Variants in DCAF8L2 observed in about 807,000 individuals in gnomAD.
DCAF8L2 encodes DDB1 and CUL4 associated factor 8 like 2.
For missense variants in DCAF8L2, 430 were observed against 490.7 expected, an observed-to-expected ratio of 0.88 and a Z score of 1.17; for synonymous variants, 200 against 190.9, an observed-to-expected ratio of 1.05 and a Z score of -0.39.
the DCAF8L2 span, among the ~76,000 whole-genome samples, chrX:27,532,726 ATATTTATTTATT>A: frequency 0.023 from 1,927 of 85,518 alleles, 51 homozygotes; most frequent in African/African-American, 0.062. Flanking sequence ...AGTGAGACCC[ATATTTATTTATT>A]TATTTATTTA....
At chrX:27,488,338 G>A in the DCAF8L2 span, among the ~76,000 whole-genome samples, 419 of 111,375 alleles carry the variant, frequency 3.8e-3, 3 homozygotes, top group African/African-American at 0.013. Context: ...ATTTAATTGA[G>A]TTATCTGTGC....
Position 27,593,157 on chromosome X carries a change from C to G in DCAF8L2, c.-342+2717C>G, listed in dbSNP as rs751940605. 6.3e-5 allele frequency among the ~76,000 whole-genome samples: 7 copies of G among 111,638 alleles called. No individual in the cohort carries two copies. The South Asian group carries it at 2.6e-3, about 42-fold the overall frequency. ...CATTAACTACGCTCACAGTGTTGTG[C>G]AACCATCACCACCATCCACCTCCAG... On this transcript the variant is annotated intron_variant, in intron 1 of 4. Transcript: ENST00000451261.
chrX:27,628,126 T>A (rs890525333), intron 1 of DCAF8L2, among the ~76,000 whole-genome samples: 11 of 111,529 alleles, frequency 9.9e-5, no homozygotes, highest in Non-Finnish European at 2.1e-4. Context: ...TCACTTTGTA[T>A]ACTTTTCCTT....
At chrX:27,743,698 ATTATTTAT>A (rs750649421) in intron 4 of DCAF8L2, among the ~76,000 whole-genome samples, 18,704 of 86,585 alleles carry the variant, frequency 0.22, 2,183 homozygotes, top group Middle Eastern at 0.25. Flanking sequence ...CCTGGCTTTT[ATTATTTAT>A]TTATTTATTT....
intron 2 of DCAF8L2, among the ~76,000 whole-genome samples, chrX:27,634,103 G>A (rs1389821537): frequency 9.0e-6 from 1 of 111,534 alleles, no homozygotes; most frequent in African/African-American, 3.3e-5. Context: ...CATAATATGT[G>A]TTCCATTCCA....
chrX:27,736,300 T>G (rs2147327469), intron 4 of DCAF8L2, among the ~76,000 whole-genome samples: 1 of 111,844 alleles, frequency 8.9e-6, no homozygotes, highest in Admixed American at 9.5e-5. Flanking sequence ...TACTCCTCTG[T>G]TTTGCCACTG....
the DCAF8L2 span, among the ~76,000 whole-genome samples, chrX:27,486,872 T>C: frequency 1.5e-3 from 168 of 111,985 alleles, no homozygotes; most frequent in African/African-American, 5.0e-3. Context: ...ACTGTAGAAT[T>C]ATACTAAATT....
At chrX:27,658,634 TGAG>T (rs1877083934) in intron 2 of DCAF8L2, among the ~76,000 whole-genome samples, 1 of 112,102 alleles carries the variant, frequency 8.9e-6, no homozygotes, top group African/African-American at 3.2e-5. Context: ...AGAGCATGGC[TGAG>T]TGTGTTTGTT....
At chrX:27,527,225 T>C in the DCAF8L2 span, among the ~76,000 whole-genome samples, 1 of 112,028 alleles carries the variant, frequency 8.9e-6, no homozygotes, top group Non-Finnish European at 1.9e-5. Flanking sequence ...TCAGCAATGG[T>C]GGGTGCCCCT....
intron 2 of DCAF8L2, among the ~76,000 whole-genome samples, chrX:27,670,789 T>C (rs1183995772): frequency 1.8e-5 from 2 of 110,575 alleles, no homozygotes; most frequent in African/African-American, 6.6e-5. Flanking sequence ...GAACTGGTTA[T>C]TGGAAAGAGC....
the DCAF8L2 span, among the ~76,000 whole-genome samples, chrX:27,499,540 A>G: frequency 8.9e-6 from 1 of 112,006 alleles, no homozygotes; most frequent in South Asian, 3.7e-4. Flanking sequence ...TATGAAGAAA[A>G]GAGGTTTCAT....
chrX:27,541,549 G>A, the DCAF8L2 span, among the ~76,000 whole-genome samples: 1 of 108,698 alleles, frequency 9.2e-6, no homozygotes, highest in Non-Finnish European at 1.9e-5. Flanking sequence ...TGTATTTTCA[G>A]TAGAGACAGG....
chrX:27,575,401 C>G, the DCAF8L2 span, among the ~76,000 whole-genome samples: 1 of 111,102 alleles, frequency 9.0e-6, no homozygotes. Flanking sequence ...AACATTTGGG[C>G]TCGAAAGTAG....
At chrX:27,743,031 A>G (rs1254831712) in intron 4 of DCAF8L2, among the ~76,000 whole-genome samples, 1 of 112,300 alleles carries the variant, frequency 8.9e-6, no homozygotes, top group Non-Finnish European at 1.9e-5. Flanking sequence ...CATTTTTTAA[A>G]GTGTGTAACT....
At chrX:27,476,266 C>G in the DCAF8L2 span, among the ~76,000 whole-genome samples, 9 of 109,804 alleles carry the variant, frequency 8.2e-5, no homozygotes, top group African/African-American at 3.0e-4. Flanking sequence ...AAGCTGGGGT[C>G]TTAATAAAAA....
chrX:27,682,495 GTAATT>G (rs1348353022), intron 3 of DCAF8L2, among the ~76,000 whole-genome samples: 2 of 111,397 alleles, frequency 1.8e-5, no homozygotes, highest in Admixed American at 1.9e-4. Context: ...TTACTTTAGA[GTAATT>G]TATTTTATCT....
chrX:27,538,245 C>G, the DCAF8L2 span, among the ~76,000 whole-genome samples: 3 of 111,673 alleles, frequency 2.7e-5, no homozygotes, highest in Non-Finnish European at 5.6e-5. Flanking sequence ...TTTTTAATTA[C>G]CTGTATACCA....
chrX:27,700,874 A>T (rs1275009051), intron 3 of DCAF8L2, among the ~76,000 whole-genome samples: 2 of 111,648 alleles, frequency 1.8e-5, no homozygotes, highest in Non-Finnish European at 1.9e-5. Flanking sequence ...CTAAACTTAA[A>T]TAAAAATCAC....
the DCAF8L2 span, among the ~76,000 whole-genome samples, chrX:27,547,867 C>T: frequency 1.1e-3 from 67 of 62,658 alleles, no homozygotes; most frequent in South Asian, 2.0e-3. Flanking sequence ...CTCTCTCTCT[C>T]TCTTTCTCTC....
Sources: gnomAD v4.1 joint callset for allele counts (sites outside exome capture counted in the v4.1 genomes callset) on GRCh38, gnomAD v4.1.1 for gene constraint, MANE v1.5 for transcripts, NCBI Gene and HGNC (gene_info 2026-07-23, HGNC 2026-07-21) for gene names.